EWSR1: variants seen among roughly 807,000 people sequenced by gnomAD.
EWSR1 encodes EWS RNA binding protein 1.
A neutral mutation model predicts 92.1 loss-of-function variants in EWSR1; 14 were observed. That is an observed-to-expected ratio of 0.15 (90% CI 0.10 to 0.24). The LOEUF is 0.24. EWSR1 is among the 10% of genes least tolerant of loss of function. The probability of loss-of-function intolerance (pLI) is 1.00; values close to 1 mark genes in which losing one functional copy is unlikely to be tolerated. For missense variants in EWSR1, 637 were observed against 870.9 expected, an observed-to-expected ratio of 0.73 and a Z score of 3.38; for synonymous variants, 303 against 292.9, an observed-to-expected ratio of 1.03 and a Z score of -0.35.
chr22:29,291,672 T>C (rs910403468), intron 9 of EWSR1, 73 bp downstream of exon 9: 1 of 1,391,740 alleles, frequency 7.2e-7, no homozygotes, highest in East Asian at 2.5e-5. Context: ...CTATAATTTT[T>C]TTATTAGTTT....
chr22:29,271,724 G>A (rs760824229), intron 1 of EWSR1, among the ~76,000 whole-genome samples: 2 of 152,228 alleles, frequency 1.3e-5, no homozygotes, highest in Non-Finnish European at 2.9e-5. Context: ...GCTAGGGAAT[G>A]ATGGTTTGTC....
chr22:29,287,749 T>C (rs1454638072), intron 7 of EWSR1, among the ~76,000 whole-genome samples: 1 of 152,222 alleles, frequency 6.6e-6, no homozygotes, highest in Non-Finnish European at 1.5e-5. Context: ...ATGCAGTGAG[T>C]AAATTCAACA....
chr22:29,298,670 T>G, intron 13 of EWSR1, 63 bp from the exon 14 acceptor site: 1 of 1,596,798 alleles, frequency 6.3e-7, no homozygotes, highest in South Asian at 1.1e-5. Context: ...TGATTTTTAT[T>G]TCCTATAGCA....
chr22:29,276,835 A>G (rs2059158384), intron 4 of EWSR1: 1 of 231,170 alleles, frequency 4.3e-6, no homozygotes, highest in Admixed American at 5.6e-5. Context: ...TATTTTTTGT[A>G]GAGGCGAGGT....
chr22:29,278,068 C>G lies in EWSR1; in HGVS notation c.265C>G (p.Pro89Ala). The G allele has an allele frequency of 1.2e-6, 2 of 1,614,006 alleles. No homozygotes were observed. Reference protein sequence around the residue: ...TPTAPQAYSQPVQGYGTGAYD... With the variant: ...TPTAPQAYSQAVQGYGTGAYD... ...AACTGCCCCCCAGGCATACAGCCAG[C>G]CTGTCCAGGGGTATGGCACTGGTGC... The change falls in exon 5 of 17, where the codon CCT becomes GCT. Residue 89 changes from proline (P) to alanine (A), a missense_variant. Pro to Ala is a conservative substitution (Grantham distance 27, BLOSUM62 -1). Transcript: ENST00000397938.
chr22:29,291,900 T>C, intron 9 of EWSR1: 2 of 577,788 alleles, frequency 3.5e-6, no homozygotes, highest in East Asian at 2.8e-5. Context: ...CACATAAGCA[T>C]TGAGAGTGTA....
chr22:29,268,277 C>G lies in EWSR1; in HGVS notation c.-60C>G, dbSNP rs1288272117. On this transcript the variant is annotated 5_prime_UTR_variant, in exon 1 of 17. Transcript: ENST00000397938. ...CGAGATTTGCGCCTGCGCAGTGCGG[C>G]GCCTAGAGGGAAAGCGAGAGGGAGA... 6.3e-7 allele frequency: 1 copy of G among 1,596,870 alleles called. No homozygotes were observed. Among genetic ancestry groups the G allele is most frequent in the Non-Finnish European group, 8.6e-7 (1 of 1,164,584 alleles).
At chr22:29,277,208 G>A (rs2059188932) in intron 4 of EWSR1, 1 of 225,772 alleles carries the variant, frequency 4.4e-6, no homozygotes, top group African/African-American at 2.2e-5. Context: ...AAGGGGAGGA[G>A]AGACTCTAGG....
chr22:29,270,686 C>T (rs2058604793), intron 1 of EWSR1, among the ~76,000 whole-genome samples: 1 of 152,168 alleles, frequency 6.6e-6, no homozygotes, highest in Non-Finnish European at 1.5e-5. Flanking sequence ...GTTGAACTTA[C>T]ATGACAGTGA....
chr22:29,273,962 C>A, intron 4 of EWSR1, 98 bp downstream of exon 4: 1 of 1,466,492 alleles, frequency 6.8e-7, no homozygotes, highest in Non-Finnish European at 9.3e-7. Context: ...CTGGTCCATA[C>A]CTTGGCATCT....
At chr22:29,269,195 C>T (rs914091713) in intron 1 of EWSR1, 3 of 152,190 alleles carry the variant, frequency 2.0e-5, no homozygotes, top group East Asian at 1.9e-4. Flanking sequence ...TCTCTCTGAC[C>T]TAGGAGGAAC....
Position 29,300,222 on chromosome 22 carries a change from T to C in EWSR1, c.*61T>C. The C allele has an allele frequency of 6.8e-7, 1 of 1,472,316 alleles. No individual in the cohort carries two copies. The highest frequency in any genetic ancestry group is 9.5e-7 in the Non-Finnish European group (1 of 1,057,780). The allele number at this position is 1,472,316 out of a possible 1,614,324, so 91.2% of individuals were successfully genotyped here. A position where few individuals can be genotyped will look rare whatever the true frequency, so the allele number is the denominator to read the frequency against. ...ATTTATTTTTTAAACCAGAAAATGT[T>C]TTAAATTTATAATTCCATATTTATA... On this transcript the variant is annotated 3_prime_UTR_variant, in exon 17 of 17. Transcript: ENST00000397938.
chr22:29,271,979 CA>C (rs1169738429), intron 1 of EWSR1, among the ~76,000 whole-genome samples: 19 of 152,106 alleles, frequency 1.2e-4, no homozygotes, highest in African/African-American at 3.6e-4. Flanking sequence ...GTATACCTGC[CA>C]AATCAGCTGA....
Position 29,298,890 on chromosome 22 carries a change from C to A in EWSR1, c.1575C>A (p.Pro525=). 6.5e-7 allele frequency: 1 copy of A among 1,547,664 alleles called. No individual in the cohort carries two copies. The highest frequency in any genetic ancestry group is 8.7e-7 in the Non-Finnish European group (1 of 1,154,804). ...VQHRAGDWQC[P]NPGCGNQNFA... ...ACCGAGCTGGAGACTGGCAGTGTCC[C>A]AATCCGTATGTACTTGTCTTGGCAA... Residue 525 remains proline (P), a synonymous_variant, in exon 14 of 17, where the codon CCC becomes CCA. Transcript: ENST00000397938.
chr22:29,279,503 A>T (rs1026665059), intron 5 of EWSR1, among the ~76,000 whole-genome samples: 8 of 152,240 alleles, frequency 5.3e-5, no homozygotes, highest in African/African-American at 1.9e-4. Flanking sequence ...ATACCCCATG[A>T]CTGGTTAGCA....
intron 5 of EWSR1, among the ~76,000 whole-genome samples, chr22:29,278,576 G>A (rs2059307319): frequency 6.6e-6 from 1 of 152,294 alleles, no homozygotes; most frequent in Admixed American, 6.5e-5. Flanking sequence ...TGTAATCCCA[G>A]CACTTTGGGA....
At chr22:29,288,811 T>A in intron 8 of EWSR1, 25 bp downstream of exon 8, 1 of 1,542,992 alleles carries the variant, frequency 6.5e-7, no homozygotes, top group Non-Finnish European at 8.7e-7. Flanking sequence ...TTTCTCCTTT[T>A]ACCTAATTTT....
At chr22:29,279,966 GCTGT>G (rs1318630674) in intron 5 of EWSR1, among the ~76,000 whole-genome samples, 1 of 152,062 alleles carries the variant, frequency 6.6e-6, no homozygotes, top group Non-Finnish European at 1.5e-5. Flanking sequence ...CTTTAAAACA[GCTGT>G]CTGTCTCATA....
At position 29,300,339 on chromosome 22, in the gene EWSR1, G is replaced by A; in HGVS notation, c.*178G>A. ...ACATTAAAACAAGTTAAATGGTAGT[G>A]TGCGGAGTTTTTTTTTCTTCCTTCT... On this transcript the variant is annotated 3_prime_UTR_variant, in exon 17 of 17. Coordinates refer to ENST00000397938, the MANE Select transcript of EWSR1 (RefSeq NM_005243.4). 3.2e-6 allele frequency: 2 copies of A among 619,906 alleles called. No individual in the cohort carries two copies. Among genetic ancestry groups the A allele is most frequent in the Non-Finnish European group, 5.3e-6 (2 of 374,024 alleles). The allele number at this position is 619,906 out of a possible 1,614,324, so 38.4% of individuals were successfully genotyped here.
Sources: gnomAD v4.1 joint callset for allele counts (sites outside exome capture counted in the v4.1 genomes callset) on GRCh38, gnomAD v4.1.1 for gene constraint, MANE v1.5 for transcripts, NCBI Gene and HGNC (gene_info 2026-07-23, HGNC 2026-07-21) for gene names.